CDH12: variants seen among roughly 807,000 people sequenced by gnomAD.
CDH12 encodes the protein cadherin-12.
CDH12 carries 41 observed loss-of-function variants against 74.1 expected under a neutral mutation model. The ratio of observed to expected loss-of-function variants is 0.55; its 90% confidence interval spans 0.43 to 0.72. CDH12 has a LOEUF of 0.72. CDH12 is among the 30% of genes least tolerant of loss of function. The pLI is 0.00. For missense variants in CDH12, 945 were observed against 977.2 expected (o/e 0.97, Z 0.44); for synonymous variants, 399 against 355.0 (o/e 1.12, Z -1.39).
chr5:22,655,943 C>T (rs1237556833), intron 1 of CDH12, among the ~76,000 whole-genome samples: 3 of 152,140 alleles, frequency 2.0e-5, no homozygotes, highest in African/African-American at 7.2e-5. Context: ...CACAGAGCAT[C>T]ACTTTAGAAG....
At chr5:22,758,551 C>A (rs1460122576) in intron 1 of CDH12, among the ~76,000 whole-genome samples, 5 of 148,476 alleles carry the variant, frequency 3.4e-5, no homozygotes, top group African/African-American at 7.5e-5. Flanking sequence ...TTTTTTTTTC[C>A]TTTTTTGACA....
At chr5:22,139,868 A>C (rs904863141) in intron 4 of CDH12, among the ~76,000 whole-genome samples, 2 of 152,118 alleles carry the variant, frequency 1.3e-5, no homozygotes, top group African/African-American at 4.8e-5. Context: ...CATAGATATG[A>C]GAGATTGTAA....
intron 3 of CDH12, among the ~76,000 whole-genome samples, chr5:22,390,842 G>A (rs1350500375): frequency 6.6e-6 from 1 of 152,054 alleles, no homozygotes; most frequent in Non-Finnish European, 1.5e-5. Context: ...TTAAACATAA[G>A]TATGTCCAAT....
chr5:22,177,542 C>T (rs1222826681), intron 4 of CDH12, among the ~76,000 whole-genome samples: 1 of 152,180 alleles, frequency 6.6e-6, no homozygotes, highest in African/African-American at 2.4e-5. Context: ...CAAGCACAGA[C>T]TTTAATTTGG....
At chr5:22,731,380 T>C (rs1744424037) in intron 1 of CDH12, among the ~76,000 whole-genome samples, 2 of 151,890 alleles carry the variant, frequency 1.3e-5, no homozygotes, top group African/African-American at 4.8e-5. Context: ...ACTATTGTCA[T>C]TAAAACATTA....
intron 4 of CDH12, among the ~76,000 whole-genome samples, chr5:22,133,600 T>C (rs1025968952): frequency 1.3e-5 from 2 of 152,118 alleles, no homozygotes; most frequent in East Asian, 3.9e-4. Flanking sequence ...CTAAATAAAA[T>C]AATTCAAAAA....
At chr5:22,267,076 T>C (rs1050096550) in intron 3 of CDH12, among the ~76,000 whole-genome samples, 4 of 152,178 alleles carry the variant, frequency 2.6e-5, no homozygotes, top group Admixed American at 2.0e-4. Context: ...GAAATGTTAA[T>C]CAATTTAACT....
At chr5:22,524,045 C>T (rs1257619347) in intron 1 of CDH12, among the ~76,000 whole-genome samples, 3 of 151,026 alleles carry the variant, frequency 2.0e-5, no homozygotes, top group South Asian at 2.1e-4. Context: ...GCAGTGGAGC[C>T]ATTACGGCTC....
Position 22,695,019 on chromosome 5 carries a change from G to A in CDH12, c.-523+158039C>T, listed in dbSNP as rs146032163. ...CCCAACCCACCGACGGTCCTGGTGT[G>A]TGATGTTCCCCTCCCTGTGTCCATC... On this transcript the variant is annotated intron_variant, in intron 1 of 14. Transcript: ENST00000382254. Among the ~76,000 whole-genome samples the A allele has an allele frequency of 1.8e-3, 269 of 152,012 alleles. 1 individual carries two copies. Among genetic ancestry groups the A allele is most frequent in the African/African-American group, 5.6e-3 (231 of 41,456 alleles).
In CDH12 at chr5:22,540,957, T is replaced by C. The variant is rs540848006; in HGVS notation, c.-522-35593A>G. ...GTTTTGAAGTCTCATATTTGAAATA[T>C]TTCTCTGTTGAGATGTAGAAAATAA... On this transcript the variant is annotated intron_variant, in intron 1 of 14. Coordinates refer to ENST00000382254, the MANE Select transcript of CDH12 (RefSeq NM_004061.5). Among the ~76,000 whole-genome samples, 3 of 152,336 alleles carry C rather than the reference T, an allele frequency of 2.0e-5. No homozygotes were observed. In the East Asian group the frequency reaches 5.8e-4, roughly 29 times the overall value.
chr5:22,523,927 G>A (rs1468261906), intron 1 of CDH12, among the ~76,000 whole-genome samples: 2 of 150,934 alleles, frequency 1.3e-5, no homozygotes, highest in Non-Finnish European at 3.0e-5. Flanking sequence ...ATTCTCAAAT[G>A]TGTTTTATTT....
chr5:22,803,181 T>A (rs1748623010), intron 1 of CDH12, among the ~76,000 whole-genome samples: 1 of 152,200 alleles, frequency 6.6e-6, no homozygotes, highest in Non-Finnish European at 1.5e-5. Flanking sequence ...TTTATAAAAG[T>A]TTATAATAGG....
chr5:21,991,987 G>A (rs1757775405), intron 5 of CDH12, among the ~76,000 whole-genome samples: 1 of 151,884 alleles, frequency 6.6e-6, no homozygotes. Context: ...GTGAAAATGA[G>A]TAATCTTAAT....
intron 1 of CDH12, among the ~76,000 whole-genome samples, chr5:22,695,072 G>A (rs867487795): frequency 5.3e-4 from 81 of 151,968 alleles, no homozygotes; most frequent in African/African-American, 1.7e-3. Flanking sequence ...TCCCACTTAT[G>A]AGTGATAAAA....
At chr5:22,097,527 A>T (rs184241699) in intron 4 of CDH12, among the ~76,000 whole-genome samples, 1 of 152,068 alleles carries the variant, frequency 6.6e-6, no homozygotes, top group Non-Finnish European at 1.5e-5. Flanking sequence ...CCCCAACTCT[A>T]GTGCCAACTT....
chr5:21,887,912 ATTTT>A (rs35663197), intron 6 of CDH12, among the ~76,000 whole-genome samples: 2 of 151,354 alleles, frequency 1.3e-5, no homozygotes, highest in Non-Finnish European at 2.9e-5. Context: ...CCAATACTGT[ATTTT>A]TTTTTTCCCC....
At chr5:22,299,383 A>G (rs1364790425) in intron 3 of CDH12, among the ~76,000 whole-genome samples, 21 of 152,186 alleles carry the variant, frequency 1.4e-4, no homozygotes, top group Non-Finnish European at 2.9e-5. Context: ...AAAGAAGAGG[A>G]AAGATCAAGT....
intron 1 of CDH12, among the ~76,000 whole-genome samples, chr5:22,737,484 A>G (rs557733373): frequency 6.6e-6 from 1 of 151,968 alleles, no homozygotes; most frequent in Non-Finnish European, 1.5e-5. Context: ...TTAATCACCA[A>G]ACGAGCACGT....
chr5:21,821,587 T>G (rs1748373778), intron 8 of CDH12, among the ~76,000 whole-genome samples: 1 of 151,942 alleles, frequency 6.6e-6, no homozygotes, highest in African/African-American at 2.4e-5. Context: ...TACAAGTAAC[T>G]AATGTGAATA....
Sources: gnomAD v4.1 joint callset for allele counts (sites outside exome capture counted in the v4.1 genomes callset) on GRCh38, gnomAD v4.1.1 for gene constraint, MANE v1.5 for transcripts, NCBI Gene and HGNC (gene_info 2026-07-23, HGNC 2026-07-21) for gene names.